The following MYO15A variants were observed in gnomAD, a reference collection of about 807,000 sequenced individuals.
MYO15A encodes the protein unconventional myosin-XV.
MYO15A carries 308 observed loss-of-function variants against 394.6 expected under a neutral mutation model. That is an observed-to-expected ratio of 0.78 (90% confidence interval 0.71 to 0.86). The LOEUF is 0.86. Ranked by LOEUF, MYO15A falls within the 40% of genes least tolerant of loss-of-function variation. MYO15A has a pLI of 0.00. For synonymous variants in MYO15A, 1,957 were observed against 2,003.8 expected, an observed-to-expected ratio of 0.98 and a Z score of 0.62; for missense variants, 4,606 against 4,799.1, an observed-to-expected ratio of 0.96 and a Z score of 1.19.
intron 47 of MYO15A, 119 bp downstream of exon 47, chr17:18,155,551 G>A (rs1319738581): frequency 1.0e-6 from 1 of 981,124 alleles, no homozygotes; most frequent in Non-Finnish European, 1.6e-6. Flanking sequence ...TCTGTGCCAA[G>A]CCATTGAAGC....
chr17:18,142,402 T>C (rs544102141), intron 24 of MYO15A, 148 bp downstream of exon 24: 6 of 1,046,494 alleles, frequency 5.7e-6, no homozygotes, highest in Middle Eastern at 3.0e-4. Context: ...AGATTCTCTG[T>C]GTCTCTGCTT....
chr17:18,127,518 T>C (rs2046071254), intron 7 of MYO15A, among the ~76,000 whole-genome samples: 1 of 151,908 alleles, frequency 6.6e-6, no homozygotes, highest in South Asian at 2.1e-4. Flanking sequence ...CACCATATTC[T>C]CACACCCAGA....
chr17:18,136,823 A>T, intron 15 of MYO15A, 137 bp downstream of exon 15: 1 of 1,270,796 alleles, frequency 7.9e-7, no homozygotes. Context: ...CCTCCCTGTC[A>T]CCATCTCCCT....
intron 28 of MYO15A, among the ~76,000 whole-genome samples, chr17:18,144,209 C>A (rs2046435769): frequency 2.0e-5 from 3 of 152,210 alleles, no homozygotes; most frequent in Admixed American, 2.0e-4. Context: ...GGCTGTTTAC[C>A]ACCAACCAGT....
intron 46 of MYO15A, 35 bp from the exon 47 acceptor site, chr17:18,155,277 CAA>C (rs773885222): frequency 5.0e-6 from 8 of 1,613,566 alleles, no homozygotes; most frequent in South Asian, 1.1e-5. Flanking sequence ...AGGGATGAGA[CAA>C]GAGGATCCTC....
rs2046389709 is a variant in MYO15A at position 18,141,930 on chromosome 17, T to C, written c.5650-149T>C. ...CTACCTGATTCACCAGCATCCTCTC[T>C]TCAACCTCTCCAAGTCCACCCCATC... is the stretch of plus-strand genomic sequence containing the variant. On this transcript the variant is annotated intron_variant, in intron 23 of 65. Transcript: ENST00000647165. 8 of 1,224,962 alleles carry C rather than the reference T, an allele frequency of 6.5e-6. No individual in the cohort carries two copies. The South Asian group carries it at 7.3e-5, about 11-fold the overall frequency. 75.9% of individuals were successfully genotyped at this position (1,224,962 alleles called of 1,614,324 possible). A position where few individuals can be genotyped will look rare whatever the true frequency, so the allele number is the denominator to read the frequency against.
At chr17:18,139,327 G>T in intron 18 of MYO15A, 1 of 659,294 alleles carries the variant, frequency 1.5e-6, no homozygotes, top group South Asian at 1.8e-5. Context: ...TGTAGAATGG[G>T]CACAGGACAA....
At position 18,121,481 on chromosome 17, in the gene MYO15A, C is replaced by T. The variant is rs1288461096; in HGVS notation, c.2681C>T (p.Pro894Leu). The change falls in exon 2 of 66, where the codon CCG (proline) becomes CTG (leucine). Residue 894 changes from proline to leucine, a missense_variant. Physicochemically the swap from Pro to Leu is moderately conservative, Grantham distance 98 (BLOSUM62 -3). This residue lies in a region of MYO15A where 1,830 missense variants were observed against 1,689.7 expected (regional missense o/e 1.08). Coordinates refer to ENST00000647165, the MANE Select transcript of MYO15A (RefSeq NM_016239.4). The surrounding 1 kb of genome is among the most constrained non-coding windows in gnomAD (Gnocchi z 5.3). ...KPQVRLPFHR[P>L]PRAGAWRAPL... ...CAAGTGCGCCTGCCCTTCCACCGAC[C>T]GCCCAGGGCCGGGGCCTGGCGGGCG... The T allele has an allele frequency of 1.1e-5, 17 of 1,550,758 alleles. No individual in the cohort carries two copies. The East Asian group carries it at 3.4e-4, about 31-fold the overall frequency.
Position 18,119,847 on chromosome 17 carries a change from C to G in MYO15A, c.1047C>G (p.Tyr349Ter), listed in dbSNP as rs567657743. The change falls in exon 2 of 66, where the codon TAC (tyrosine) becomes TAG (stop). Residue 349 changes from tyrosine to a stop codon, truncating the protein, a stop_gained. Transcript: ENST00000647165. LOFTEE classifies it high-confidence loss of function. Reference protein sequence around the residue: ...YGYYLDPYAPYDAPYPPYDLP... With the variant: ...YGYYLDPYAP ...ACTACCTGGATCCCTATGCGCCGTA[C>G]GACGCGCCATACCCACCCTATGACC... 1 of 1,612,954 alleles carries G rather than the reference C, an allele frequency of 6.2e-7. No homozygotes were observed. Among genetic ancestry groups the G allele is most frequent in the Non-Finnish European group, 8.5e-7 (1 of 1,180,004 alleles).
chr17:18,143,416 C>G, intron 25 of MYO15A, 150 bp from the exon 26 acceptor site: 1 of 872,156 alleles, frequency 1.1e-6, no homozygotes, highest in South Asian at 1.4e-5. Context: ...TCCCGCCCCA[C>G]CTGTGGAGTG....
rs777015124 is a variant in MYO15A, at chr17:18,118,898, C to T, written c.98C>T (p.Thr33Met). ...AAGCCCAAACGGAGCCTGAAGGGGA[C>T]GTCGCGGCTGTTCATGGGCTTCCGC... ...PEKPKRSLKGTSRLFMGFRDR... is the reference protein window; with the variant it reads ...PEKPKRSLKGMSRLFMGFRDR... Residue 33 changes from threonine to methionine, a missense_variant, in exon 2 of 66, where the codon ACG becomes ATG. Physicochemically the swap from Thr to Met is moderately conservative, Grantham distance 81. Coordinates refer to ENST00000647165, the MANE Select transcript of MYO15A (RefSeq NM_016239.4). 11 of 1,613,902 alleles carry T rather than the reference C, an allele frequency of 6.8e-6. No homozygotes were observed. In the East Asian group the frequency reaches 1.6e-4, roughly 23 times the overall value.
intron 12 of MYO15A, among the ~76,000 whole-genome samples, chr17:18,134,084 G>A (rs1319199873): frequency 1.3e-5 from 2 of 152,084 alleles, no homozygotes; most frequent in Non-Finnish European, 2.9e-5. Flanking sequence ...CTGCCTCCCA[G>A]GTTCAAGCGA....
At chr17:18,161,477 C>A in intron 57 of MYO15A, 30 bp downstream of exon 57, 3 of 1,611,362 alleles carry the variant, frequency 1.9e-6, no homozygotes, top group Non-Finnish European at 2.5e-6. Flanking sequence ...GAACCCAGGG[C>A]TGCATGCTTC....
intron 60 of MYO15A, among the ~76,000 whole-genome samples, 181 bp from the exon 61 acceptor site, chr17:18,166,180 C>T (rs2046851014): frequency 6.6e-6 from 1 of 152,182 alleles, no homozygotes; most frequent in African/African-American, 2.4e-5. Flanking sequence ...CATAGGACAC[C>T]CCATTCGACA....
chr17:18,130,147 GAA>G (rs2046126490), intron 7 of MYO15A, among the ~76,000 whole-genome samples: 1 of 152,162 alleles, frequency 6.6e-6, no homozygotes, highest in Non-Finnish European at 1.5e-5. Flanking sequence ...CCAAACTCCT[GAA>G]ATTACAGGCG....
intron 8 of MYO15A, 23 bp downstream of exon 8, chr17:18,130,833 T>G: frequency 7.0e-7 from 1 of 1,438,104 alleles, no homozygotes. Flanking sequence ...TGTGTGTGTG[T>G]GTGTGTGTGT....
chr17:18,159,862 T>C (rs1452607461), intron 55 of MYO15A, 73 bp from the exon 56 acceptor site: 2 of 1,543,800 alleles, frequency 1.3e-6, no homozygotes, highest in Non-Finnish European at 1.8e-6. Context: ...GTGCCCACCC[T>C]GTTCTTATGT....
rs1282668881 is a variant in MYO15A, at chr17:18,121,202, T to C, written c.2402T>C (p.Leu801Ser). The change falls in exon 2 of 66, where the codon TTG becomes TCG. Residue 801 changes from leucine to serine, a missense_variant. Coordinates refer to ENST00000647165, the MANE Select transcript of MYO15A (RefSeq NM_016239.4). This position sits in a 1 kb window ranked among gnomAD's most constrained non-coding sequence, Gnocchi z 5.3. ...PLAPPSPQLS[L>S]RTGPFQPPFL... Reference sequence around the variant, plus strand: ...GCGCCCCCGTCGCCTCAGCTGTCCTTGCGCACGGGCCCCTTCCAGCCGCCC... The same window carrying C: ...GCGCCCCCGTCGCCTCAGCTGTCCTCGCGCACGGGCCCCTTCCAGCCGCCC... 1 of 1,504,326 alleles carries C rather than the reference T, an allele frequency of 6.6e-7. No homozygotes were observed. Among genetic ancestry groups the C allele is most frequent in the Non-Finnish European group, 8.8e-7 (1 of 1,133,150 alleles). The allele number at this position is 1,504,326 out of a possible 1,614,324, so 93.2% of individuals were successfully genotyped here. A position where few individuals can be genotyped will look rare whatever the true frequency, so the allele number is the denominator to read the frequency against.
At chr17:18,177,198 C>A (rs1379537635) in intron 65 of MYO15A, 1 of 152,218 alleles carries the variant, frequency 6.6e-6, no homozygotes, top group Admixed American at 6.5e-5. Flanking sequence ...GTGACTGAGA[C>A]CCCCTCAGCT....
Sources: gnomAD v4.1 joint callset for allele counts (sites outside exome capture counted in the v4.1 genomes callset) on GRCh38, gnomAD v4.1.1 for gene constraint, gnomAD v4.1.1 regional missense constraint, Gnocchi (gnomAD v3.1) non-coding constraint, MANE v1.5 for transcripts, NCBI Gene and HGNC (gene_info 2026-07-23, HGNC 2026-07-21) for gene names.